The following SLCO3A1 variants were observed in gnomAD, a reference collection of about 807,000 sequenced individuals.
The protein encoded by SLCO3A1 is solute carrier organic anion transporter family member 3A1.
In SLCO3A1, 27 loss-of-function variants were observed where a neutral mutation model predicts 63.1. The ratio of observed to expected loss-of-function variants is 0.43; its 90% CI spans 0.32 to 0.59. The LOEUF is 0.59. SLCO3A1 is among the 20% of genes least tolerant of loss of function. The pLI is 0.09. For synonymous variants in SLCO3A1, 473 were observed against 409.9 expected (o/e 1.15, Z -1.86); for missense variants, 773 against 945.8 (o/e 0.82, Z 2.40).
rs56228950 is a variant in SLCO3A1 at position 91,904,999 on chromosome 15, A to G, written c.181-10994A>G. ...GATGGGTTGTAAGCAGTACAGTCCT[A>G]TGGAATTACAAGTAGAATTTGAAGG... On this transcript the variant is annotated intron_variant, in intron 1 of 9. Coordinates refer to ENST00000318445, the MANE Select transcript of SLCO3A1 (RefSeq NM_013272.4). 4.2e-3 allele frequency among the ~76,000 whole-genome samples: 637 copies of G among 152,328 alleles called. 5 individuals are homozygous for G. The highest frequency in any genetic ancestry group is 0.014 in the African/African-American group (587 of 41,566).
chr15:91,960,331 A>G lies in SLCO3A1; in HGVS notation c.646+43873A>G, dbSNP rs371161532. Among the ~76,000 whole-genome samples the G allele has an allele frequency of 2.5e-3, 386 of 152,292 alleles. 16 individuals carry two copies. The South Asian group carries it at 0.077, about 31-fold the overall frequency. On this transcript the variant is annotated intron_variant, in intron 2 of 9. Coordinates refer to ENST00000318445, the MANE Select transcript of SLCO3A1 (RefSeq NM_013272.4). ...TTCTTTCACCACCATGATGTTTGTA[A>G]GGTCCATCCATGTTGTAATGGGTAT...
chr15:91,868,005 A>G (rs1897206854), intron 1 of SLCO3A1, among the ~76,000 whole-genome samples: 1 of 152,056 alleles, frequency 6.6e-6, no homozygotes, highest in Non-Finnish European at 1.5e-5. Flanking sequence ...TTATCTATTC[A>G]TCGCCTGGCT....
intron 2 of SLCO3A1, among the ~76,000 whole-genome samples, chr15:91,927,456 T>C (rs1162928150): frequency 6.6e-6 from 1 of 152,188 alleles, no homozygotes; most frequent in East Asian, 1.9e-4. Flanking sequence ...TGTGAGGGAC[T>C]AAACAATTCT....
chr15:92,001,231 CA>C (rs1223935798), intron 2 of SLCO3A1, among the ~76,000 whole-genome samples: 1 of 151,826 alleles, frequency 6.6e-6, no homozygotes, highest in Non-Finnish European at 1.5e-5. Context: ...AGGGGGCGAA[CA>C]AAAGAAAACA....
At chr15:91,880,734 A>T (rs540465408) in intron 1 of SLCO3A1, among the ~76,000 whole-genome samples, 1 of 152,036 alleles carries the variant, frequency 6.6e-6, no homozygotes, top group Non-Finnish European at 1.5e-5. Context: ...CCTAGTGTGG[A>T]GGTACTCCTG....
chr15:91,890,303 ATCT>A (rs1475794414), intron 1 of SLCO3A1, among the ~76,000 whole-genome samples: 1 of 152,064 alleles, frequency 6.6e-6, no homozygotes, highest in Non-Finnish European at 1.5e-5. Context: ...ATCCATTTTC[ATCT>A]TCTTGCTGTG....
rs149655435 is a variant in SLCO3A1, at chr15:92,102,402, ATC to A, written c.746-1869_746-1868del. On this transcript the variant is annotated intron_variant, in intron 3 of 9. Coordinates refer to ENST00000318445, the MANE Select transcript of SLCO3A1 (RefSeq NM_013272.4). The stretch of plus-strand genomic sequence containing the variant: ...TGTACATAAAAGTGAGAATAACAAG[ATC>A]TCTCTCTATACAAAGAGCCTACTGT... 9.7e-3 allele frequency among the ~76,000 whole-genome samples: 1,478 copies of A among 152,252 alleles called. 20 individuals carry two copies. Among genetic ancestry groups the A allele is most frequent in the African/African-American group, 0.034 (1,417 of 41,538 alleles).
Position 91,901,301 on chromosome 15 carries a change from G to A in SLCO3A1, c.181-14692G>A, listed in dbSNP as rs117395587. Among the ~76,000 whole-genome samples the A allele has an allele frequency of 2.2e-3, 341 of 152,248 alleles. 2 individuals carry two copies. Among genetic ancestry groups the A allele is most frequent in the East Asian group, 0.015 (79 of 5,192 alleles). On this transcript the variant is annotated intron_variant, in intron 1 of 9. Coordinates refer to ENST00000318445, the MANE Select transcript of SLCO3A1 (RefSeq NM_013272.4). ...CTCCTTTGTAGTTTTGTTGTCAAAC[G>A]TATTACATCTATATCTTATAAATGA...
intron 2 of SLCO3A1, among the ~76,000 whole-genome samples, chr15:92,084,059 T>C (rs918176814): frequency 1.3e-5 from 2 of 152,264 alleles, no homozygotes; most frequent in African/African-American, 4.8e-5. Context: ...GAGCATGTGC[T>C]GCTTTTAAAA....
At chr15:92,081,989 G>T (rs1166767967) in intron 2 of SLCO3A1, among the ~76,000 whole-genome samples, 1 of 152,190 alleles carries the variant, frequency 6.6e-6, no homozygotes, top group Non-Finnish European at 1.5e-5. Context: ...GTCATGTACT[G>T]TGTGGATTTG....
rs2046675256 is a variant in SLCO3A1 at position 92,033,058 on chromosome 15, A to C, written c.647-61823A>C. Among the ~76,000 whole-genome samples the C allele has an allele frequency of 6.6e-6, 1 of 152,178 alleles. No homozygotes were observed. Among genetic ancestry groups the C allele is most frequent in the Admixed American group, 6.5e-5 (1 of 15,284 alleles). Reference sequence around the variant, plus strand: ...GTTTAGCACTTAGAGCATGGATCAGAGCAAGGTATGTACAGGAAACTTTGT... The same window carrying C: ...GTTTAGCACTTAGAGCATGGATCAGCGCAAGGTATGTACAGGAAACTTTGT... On this transcript the variant is annotated intron_variant, in intron 2 of 9. Coordinates refer to ENST00000318445, the MANE Select transcript of SLCO3A1 (RefSeq NM_013272.4). The surrounding 1 kb of genome is among the most constrained non-coding windows in gnomAD (Gnocchi z 4.5).
At chr15:91,951,410 T>C (rs1035013778) in intron 2 of SLCO3A1, among the ~76,000 whole-genome samples, 5 of 152,348 alleles carry the variant, frequency 3.3e-5, no homozygotes, top group African/African-American at 1.2e-4. Context: ...TTTTATGGCT[T>C]AATAATAATT....
At chr15:92,071,870 G>A (rs575559321) in intron 2 of SLCO3A1, among the ~76,000 whole-genome samples, 3 of 152,344 alleles carry the variant, frequency 2.0e-5, no homozygotes, top group South Asian at 2.1e-4. Context: ...TGTCTTAGTC[G>A]TAATCTGGGG....
chr15:92,088,415 C>A (rs1015743380), intron 2 of SLCO3A1, among the ~76,000 whole-genome samples: 2 of 152,206 alleles, frequency 1.3e-5, no homozygotes, highest in African/African-American at 4.8e-5. Context: ...ATATTCCATT[C>A]ATGCATATTA....
chr15:92,044,162 G>A (rs566431800), intron 2 of SLCO3A1, among the ~76,000 whole-genome samples: 5 of 152,016 alleles, frequency 3.3e-5, no homozygotes, highest in Middle Eastern at 3.4e-3. Flanking sequence ...TGACCTTCCC[G>A]GGGACACTCT....
At chr15:91,923,910 T>G (rs903240602) in intron 2 of SLCO3A1, among the ~76,000 whole-genome samples, 2 of 152,244 alleles carry the variant, frequency 1.3e-5, no homozygotes, top group African/African-American at 4.8e-5. Context: ...ATGCTGGAAT[T>G]TGCTAGTTGG....
At chr15:91,906,553 G>A (rs1394818748) in intron 1 of SLCO3A1, among the ~76,000 whole-genome samples, 1 of 152,222 alleles carries the variant, frequency 6.6e-6, no homozygotes, top group Non-Finnish European at 1.5e-5. Context: ...GCATATAGCA[G>A]CGTGTGTGTG....
At chr15:91,903,169 C>T (rs1234656535) in intron 1 of SLCO3A1, among the ~76,000 whole-genome samples, 2 of 152,114 alleles carry the variant, frequency 1.3e-5, no homozygotes, top group Non-Finnish European at 1.5e-5. Flanking sequence ...GCTTGACATA[C>T]GGAGGAAATG....
chr15:92,111,521 G>A lies in SLCO3A1; in HGVS notation c.1009+6979G>A, dbSNP rs530470092. On this transcript the variant is annotated intron_variant, in intron 4 of 9. Transcript: ENST00000318445. ...CCCAAATGCTTGGAATCCTGTGCCA[G>A]GCTGTGATTTACATTCTGCCATGTC... Among the ~76,000 whole-genome samples, 127 of 152,284 alleles carry A rather than the reference G, an allele frequency of 8.3e-4. 4 individuals carry two copies. The highest frequency in any genetic ancestry group is 9.8e-4 in the Admixed American group (15 of 15,292).
Sources: allele counts gnomAD v4.1 joint callset (sites outside exome capture counted in the v4.1 genomes callset), GRCh38; gene constraint gnomAD v4.1.1; non-coding constraint Gnocchi (gnomAD v3.1); transcripts MANE v1.5; gene names NCBI Gene and HGNC (gene_info 2026-07-23, HGNC 2026-07-21).